DOCK3: variants seen among roughly 807,000 people sequenced by gnomAD.
DOCK3 encodes dedicator of cytokinesis protein 3.
Under a neutral mutation model 265.6 loss-of-function variants are expected in DOCK3, and 60 were observed. The observed-to-expected ratio is 0.23, with a 90% confidence interval of 0.18 to 0.28. The LOEUF (loss-of-function observed/expected upper bound fraction) is 0.28. Among genes scored for constraint, DOCK3 ranks in the 10% least tolerant of loss-of-function variants. DOCK3 has a pLI of 1.00. For synonymous variants in DOCK3, 881 were observed against 938.0 expected (o/e 0.94, Z 1.11); for missense variants, 1,981 against 2,594.3 (o/e 0.76, Z 5.14).
intron 22 of DOCK3, among the ~76,000 whole-genome samples, chr3:51,256,562 C>T (rs1256886211): frequency 1.3e-5 from 2 of 151,272 alleles, no homozygotes; most frequent in Admixed American, 6.6e-5. Flanking sequence ...TGAGCCATCG[C>T]ACCCAGCGAA....
At chr3:51,121,441 A>G (rs1479276028) in intron 9 of DOCK3, among the ~76,000 whole-genome samples, 1 of 152,156 alleles carries the variant, frequency 6.6e-6, no homozygotes, top group East Asian at 1.9e-4. Context: ...CTATTCAGCC[A>G]CCTTGCCCAG....
At chr3:51,354,157 CAACATTAG>C (rs2086196258) in intron 40 of DOCK3, among the ~76,000 whole-genome samples, 2 of 151,930 alleles carry the variant, frequency 1.3e-5, no homozygotes, top group Non-Finnish European at 2.9e-5. Context: ...GGGCACTGGG[CAACATTAG>C]ACTGTTTCTC....
At chr3:50,871,047 TAC>T (rs1163987478) in intron 3 of DOCK3, among the ~76,000 whole-genome samples, 1 of 152,138 alleles carries the variant, frequency 6.6e-6, no homozygotes, top group Non-Finnish European at 1.5e-5. Flanking sequence ...ACACTGCAGT[TAC>T]AGTTTTATAT....
intron 5 of DOCK3, among the ~76,000 whole-genome samples, chr3:50,969,733 C>T (rs2077138600): frequency 6.6e-6 from 1 of 152,122 alleles, no homozygotes; most frequent in Admixed American, 6.5e-5. Context: ...CATGATGAAA[C>T]TTAGTTTAGC....
At chr3:50,820,338 T>G (rs2044335767) in intron 2 of DOCK3, among the ~76,000 whole-genome samples, 1 of 152,208 alleles carries the variant, frequency 6.6e-6, no homozygotes. Context: ...GTATCATTTT[T>G]TATCAGTGGG....
intron 33 of DOCK3, among the ~76,000 whole-genome samples, 199 bp downstream of exon 33, chr3:51,330,422 A>G (rs1431578398): frequency 6.6e-6 from 1 of 152,192 alleles, no homozygotes; most frequent in African/African-American, 2.4e-5. Flanking sequence ...GTTGACTGAA[A>G]AGATAGAAAA....
At position 50,933,928 on chromosome 3, in the gene DOCK3, G is replaced by A. The variant is rs1315916799; in HGVS notation, c.219-53G>A. ...AGTAGAAAAAGACAGGAGACAGTTTGCCGAGATTTTTTTCAGAGATAATGT... is the reference window on the plus strand; with the variant it reads ...AGTAGAAAAAGACAGGAGACAGTTTACCGAGATTTTTTTCAGAGATAATGT... On this transcript the variant is annotated intron_variant, in intron 4 of 52. Coordinates refer to ENST00000266037, the MANE Select transcript of DOCK3 (RefSeq NM_004947.5). 3.2e-6 allele frequency: 4 copies of A among 1,251,902 alleles called. No homozygotes were observed. In the African/African-American group the frequency reaches 6.0e-5, roughly 19 times the overall value. The allele number at this position is 1,251,902 out of a possible 1,614,324, so 77.5% of individuals were successfully genotyped here.
intron 35 of DOCK3, 150 bp from the exon 36 acceptor site, chr3:51,338,209 A>G (rs929686220): frequency 1.7e-5 from 13 of 757,370 alleles, no homozygotes; most frequent in African/African-American, 3.5e-5. Flanking sequence ...AGGAGCTCAC[A>G]GTAGAGTCCT....
chr3:50,890,028 G>T lies in DOCK3; in HGVS notation c.165G>T (p.Gly55=). The T allele has an allele frequency of 7.1e-7, 1 of 1,412,000 alleles. No individual in the cohort carries two copies. Among genetic ancestry groups the T allele is most frequent in the Non-Finnish European group, 9.2e-7 (1 of 1,089,868 alleles). 87.5% of individuals were successfully genotyped at this position (1,412,000 alleles called of 1,614,324 possible). A position where few individuals can be genotyped will look rare whatever the true frequency, so the allele number is the denominator to read the frequency against. ...GVSTKKPNVK[G]IFPANYIHLK... is the part of the protein sequence containing the mutation. ...AGGAAATATTTTCTCTTTTACAGGG[G>T]ATCTTTCCTGCAAATTACATTCACT... is the stretch of plus-strand genomic sequence containing the variant. The change falls in exon 4 of 53, where the codon GGG becomes GGT. Residue 55 remains glycine, a splice_region_variant and synonymous_variant. Transcript: ENST00000266037.
intron 27 of DOCK3, 136 bp downstream of exon 27, chr3:51,280,340 A>G: frequency 1.2e-6 from 1 of 819,174 alleles, no homozygotes; most frequent in Middle Eastern, 2.7e-4. Context: ...CCTGCTTTAC[A>G]GCTGAGTGTT....
intron 29 of DOCK3, 89 bp downstream of exon 29, chr3:51,312,168 A>T (rs1272747005): frequency 1.0e-5 from 12 of 1,179,238 alleles, no homozygotes; most frequent in Non-Finnish European, 1.5e-5. Flanking sequence ...TTATTAATAG[A>T]TTCATAGTAT....
intron 4 of DOCK3, among the ~76,000 whole-genome samples, chr3:50,919,615 T>C (rs1289565767): frequency 6.6e-6 from 1 of 152,210 alleles, no homozygotes; most frequent in African/African-American, 2.4e-5. Flanking sequence ...CCTGAGACTT[T>C]GCTGAAGTTG....
chr3:51,114,217 G>C (rs2083638718), intron 9 of DOCK3, among the ~76,000 whole-genome samples: 1 of 152,176 alleles, frequency 6.6e-6, no homozygotes. Context: ...AGAACAGTGC[G>C]CCAAATAACC....
chr3:50,965,139 G>T (rs573028401), intron 5 of DOCK3, among the ~76,000 whole-genome samples: 2 of 151,978 alleles, frequency 1.3e-5, no homozygotes, highest in Non-Finnish European at 2.9e-5. Flanking sequence ...TGACTACAGT[G>T]GAATTAAATT....
intron 5 of DOCK3, among the ~76,000 whole-genome samples, chr3:50,967,659 C>A (rs575430042): frequency 6.6e-6 from 1 of 152,178 alleles, no homozygotes; most frequent in Non-Finnish European, 1.5e-5. Flanking sequence ...GAAGCAAATA[C>A]GTCCTTCTTC....
Position 51,213,403 on chromosome 3 carries a change from G to A in DOCK3, c.1127-719G>A, listed in dbSNP as rs146209689. Among the ~76,000 whole-genome samples, 300 of 152,210 alleles carry A rather than the reference G, an allele frequency of 2.0e-3. 3 individuals carry two copies. Among genetic ancestry groups the A allele is most frequent in the African/African-American group, 6.4e-3 (267 of 41,554 alleles). On this transcript the variant is annotated intron_variant, in intron 13 of 52. Coordinates refer to ENST00000266037, the MANE Select transcript of DOCK3 (RefSeq NM_004947.5). ...GACCCTCAGGAGGGTGGTGTGGAGGGGGAAATTTCAGGAGATTCTAACTTT... is the reference window on the plus strand; with the variant it reads ...GACCCTCAGGAGGGTGGTGTGGAGGAGGAAATTTCAGGAGATTCTAACTTT...
chr3:51,350,106 T>C (rs2085876094), intron 39 of DOCK3, among the ~76,000 whole-genome samples, 182 bp from the exon 40 acceptor site: 1 of 152,200 alleles, frequency 6.6e-6, no homozygotes, highest in African/African-American at 2.4e-5. Flanking sequence ...GATGGAGGGC[T>C]TTCTCTTCCA....
chr3:51,365,665 A>G (rs1468779080), intron 49 of DOCK3, among the ~76,000 whole-genome samples: 1 of 152,212 alleles, frequency 6.6e-6, no homozygotes, highest in African/African-American at 2.4e-5. Flanking sequence ...TGTCCCATCA[A>G]TACCTAGTTT....
At chr3:51,159,096 A>G in intron 10 of DOCK3, 148 bp from the exon 11 acceptor site, 1 of 588,772 alleles carries the variant, frequency 1.7e-6, no homozygotes, top group Non-Finnish European at 2.9e-6. Context: ...CACTGCAGAC[A>G]TCTTATAAAC....
Sources: allele counts gnomAD v4.1 joint callset (sites outside exome capture counted in the v4.1 genomes callset), GRCh38; gene constraint gnomAD v4.1.1; transcripts MANE v1.5; gene names NCBI Gene and HGNC (gene_info 2026-07-23, HGNC 2026-07-21).